Variants in EPS15L1 observed in about 807,000 individuals in gnomAD.
EPS15L1 encodes the protein epidermal growth factor receptor substrate 15-like 1.
In EPS15L1, 43 loss-of-function variants were observed where a neutral mutation model predicts 117.1. That is an observed-to-expected ratio of 0.37 (90% CI 0.29 to 0.47). EPS15L1 has a LOEUF of 0.47. Ranked by LOEUF, EPS15L1 falls within the 20% of genes least tolerant of loss-of-function variation. EPS15L1 has a pLI of 0.99. For missense variants in EPS15L1, 981 were observed against 1,164.0 expected, an observed-to-expected ratio of 0.84 and a Z score of 2.29; for synonymous variants, 459 against 470.5, an observed-to-expected ratio of 0.98 and a Z score of 0.32.
Position 16,392,400 on chromosome 19 carries a change from G to C in EPS15L1, c.2007C>G (p.Phe669Leu). The stretch of plus-strand genomic sequence containing the variant: ...AGAAGTCGTCAGTGGCAGAGCCACG[G>C]AATGGGTCACTTTCTTTGAAAGGGT... ...GGDPFKESDPFRGSATDDFFK... is the reference protein window; with the variant it reads ...GGDPFKESDPLRGSATDDFFK... The change falls in exon 19 of 24, where the codon TTC (phenylalanine) becomes TTG (leucine). Residue 669 changes from phenylalanine to leucine, a missense_variant. Physicochemically the swap from Phe to Leu is conservative, Grantham distance 22 (BLOSUM62 0). Around this residue, in one of 5 missense-constraint regions of EPS15L1, gnomAD observed 819 missense variants for 949.0 expected, o/e 0.86. Transcript: ENST00000455140. 1 of 1,614,218 alleles carries C rather than the reference G, an allele frequency of 6.2e-7. No individual in the cohort carries two copies. The highest frequency in any genetic ancestry group is 1.1e-5 in the South Asian group (1 of 91,086).
At chr19:16,440,066 CAA>C (rs34503524) in intron 4 of EPS15L1, among the ~76,000 whole-genome samples, 26 of 74,808 alleles carry the variant, frequency 3.5e-4, no homozygotes, top group Admixed American at 9.3e-4. Flanking sequence ...ACTCTGTCTC[CAA>C]AAAAAAAAAA....
chr19:16,387,160 A>G (rs999406765), intron 19 of EPS15L1, among the ~76,000 whole-genome samples: 4 of 152,228 alleles, frequency 2.6e-5, no homozygotes, highest in Admixed American at 1.3e-4. Context: ...GAGAAATAGA[A>G]AATATACGAA....
chr19:16,382,216 T>C (rs2092371010), intron 21 of EPS15L1, among the ~76,000 whole-genome samples: 1 of 152,206 alleles, frequency 6.6e-6, no homozygotes, highest in South Asian at 2.1e-4. Flanking sequence ...TGGCACTGCC[T>C]CCGCAGTGAA....
chr19:16,442,656 T>C lies in EPS15L1; in HGVS notation c.34-437A>G, dbSNP rs1243949641. Among the ~76,000 whole-genome samples the C allele has an allele frequency of 2.0e-5, 3 of 152,134 alleles. No homozygotes were observed. The East Asian group carries it at 5.8e-4, about 29-fold the overall frequency. On this transcript the variant is annotated intron_variant, in intron 1 of 23. Coordinates refer to ENST00000455140, the MANE Select transcript of EPS15L1 (RefSeq NM_001258374.3). Reference sequence around the variant, plus strand: ...CCAGGCCTGCAAGCTTTCGACCAGTTTCCCTGGCCTGGGTCTGGTTCTCAA... The same window carrying C: ...CCAGGCCTGCAAGCTTTCGACCAGTCTCCCTGGCCTGGGTCTGGTTCTCAA...
chr19:16,361,348 G>T (rs2092048335), intron 23 of EPS15L1, among the ~76,000 whole-genome samples: 1 of 152,156 alleles, frequency 6.6e-6, no homozygotes, highest in Non-Finnish European at 1.5e-5. Context: ...CATGGGGCGG[G>T]ACTGTGAGAA....
chr19:16,393,844 C>A, intron 18 of EPS15L1, 107 bp downstream of exon 18: 1 of 1,135,902 alleles, frequency 8.8e-7, no homozygotes. Context: ...TTCCCAGTTA[C>A]ATGGCTGCCA....
At chr19:16,412,465 A>C (rs1018950715) in intron 13 of EPS15L1, among the ~76,000 whole-genome samples, 1 of 151,682 alleles carries the variant, frequency 6.6e-6, no homozygotes, top group Non-Finnish European at 1.5e-5. Context: ...GTGCCACTGC[A>C]CTCCAGCCTG....
chr19:16,427,459 C>T (rs937374277), intron 8 of EPS15L1, among the ~76,000 whole-genome samples: 8 of 152,170 alleles, frequency 5.3e-5, no homozygotes, highest in Admixed American at 6.6e-5. Context: ...ATGAGCATTT[C>T]CTTTGAGTGT....
chr19:16,363,796 CT>C (rs1023946816), intron 22 of EPS15L1, among the ~76,000 whole-genome samples: 2 of 152,240 alleles, frequency 1.3e-5, no homozygotes, highest in African/African-American at 4.8e-5. Context: ...TGTAGCCCTA[CT>C]TCTGGAAATG....
chr19:16,466,927 A>G (rs1188215006), intron 1 of EPS15L1, among the ~76,000 whole-genome samples: 3 of 151,534 alleles, frequency 2.0e-5, no homozygotes, highest in Non-Finnish European at 4.4e-5. Context: ...AAAGGAAAGC[A>G]CTGAGAGCAC....
intron 16 of EPS15L1, chr19:16,400,720 C>G: frequency 1.0e-6 from 1 of 985,410 alleles, no homozygotes; most frequent in Non-Finnish European, 1.2e-6. Flanking sequence ...GTATCTTAAT[C>G]TACATTCCCA....
At chr19:16,440,758 T>C (rs754943682) in intron 4 of EPS15L1, 104 bp downstream of exon 4, 1 of 1,000,742 alleles carries the variant, frequency 1.0e-6, no homozygotes, top group Non-Finnish European at 1.6e-6. Flanking sequence ...TGCTCATGCC[T>C]AGTAATACTT....
At chr19:16,361,703 A>T (rs1420473892) in intron 23 of EPS15L1, 76 bp downstream of exon 23, 3 of 1,508,446 alleles carry the variant, frequency 2.0e-6, no homozygotes, top group Non-Finnish European at 2.7e-6. Flanking sequence ...GTTTGCCTTT[A>T]AAAGGAGACA....
chr19:16,454,161 G>A (rs935172396), intron 1 of EPS15L1, among the ~76,000 whole-genome samples: 2 of 152,208 alleles, frequency 1.3e-5, no homozygotes, highest in East Asian at 1.9e-4. Flanking sequence ...GATGCAGACT[G>A]CAAGGCACTG....
chr19:16,436,564 T>C (rs1490841899), intron 6 of EPS15L1: 1 of 183,036 alleles, frequency 5.5e-6, no homozygotes, highest in African/African-American at 2.3e-5. Flanking sequence ...GTCCACGTGC[T>C]TGCAAGCTCT....
Position 16,446,918 on chromosome 19 carries a change from T to C in EPS15L1, c.34-4699A>G, listed in dbSNP as rs553299489. Among the ~76,000 whole-genome samples, 7 of 152,326 alleles carry C rather than the reference T, an allele frequency of 4.6e-5. No homozygotes were observed. In the South Asian group the frequency reaches 1.2e-3, roughly 27 times the overall value. ...TAATGGCTATGTTTTTCAATGCCAC[T>C]GCCAAGTTTTGCAGGAAGTTAGGCA... On this transcript the variant is annotated intron_variant, in intron 1 of 23. Transcript: ENST00000455140.
intron 18 of EPS15L1, 23 bp from the exon 19 acceptor site, chr19:16,392,463 A>C (rs1372127054): frequency 6.2e-7 from 1 of 1,610,850 alleles, no homozygotes; most frequent in Non-Finnish European, 8.5e-7. Context: ...ATGCCCCATA[A>C]GTAAACATTA....
chr19:16,469,833 C>A (rs117520868), intron 1 of EPS15L1, among the ~76,000 whole-genome samples: 4,456 of 152,162 alleles, frequency 0.029, 99 homozygotes, highest in Non-Finnish European at 0.048. Flanking sequence ...GGGTGCTTCC[C>A]TTTTGCCCCC....
chr19:16,412,530 G>T (rs926280783), intron 13 of EPS15L1, among the ~76,000 whole-genome samples: 1 of 151,634 alleles, frequency 6.6e-6, no homozygotes, highest in African/African-American at 2.4e-5. Context: ...CTTCACTCTC[G>T]CCAGGCTTGG....
Sources: allele counts gnomAD v4.1 joint callset (sites outside exome capture counted in the v4.1 genomes callset), GRCh38; gene constraint gnomAD v4.1.1; regional missense constraint gnomAD v4.1.1; transcripts MANE v1.5; gene names NCBI Gene and HGNC (gene_info 2026-07-23, HGNC 2026-07-21).